Variants in CACNA2D1 observed in about 807,000 individuals in gnomAD.
CACNA2D1 encodes the protein voltage-dependent calcium channel subunit alpha-2/delta-1.
In CACNA2D1, 53 loss-of-function variants were observed where a neutral mutation model predicts 171.5. The observed-to-expected ratio is 0.31, with a 90% CI of 0.25 to 0.39. CACNA2D1 has a LOEUF of 0.39. CACNA2D1 is among the 10% of genes least tolerant of loss of function. CACNA2D1 has a pLI of 1.00. For synonymous variants in CACNA2D1, 442 were observed against 443.1 expected (o/e 1.00, Z 0.03); for missense variants, 903 against 1,299.8 (o/e 0.69, Z 4.69).
chr7:82,273,045 T>C (rs1808845727), intron 3 of CACNA2D1, among the ~76,000 whole-genome samples: 1 of 152,154 alleles, frequency 6.6e-6, no homozygotes, highest in Non-Finnish European at 1.5e-5. Context: ...ATAAACAACT[T>C]TGATATTATG....
chr7:82,060,178 A>AT (rs1491430009), intron 10 of CACNA2D1, among the ~76,000 whole-genome samples: 13 of 15,914 alleles, frequency 8.2e-4, no homozygotes, highest in South Asian at 2.5e-3. Context: ...ATATATATAT[A>AT]ATATATATAT....
chr7:81,965,739 T>A (rs1174557531), intron 31 of CACNA2D1, 74 bp from the exon 32 acceptor site: 2 of 851,628 alleles, frequency 2.3e-6, no homozygotes, highest in Non-Finnish European at 4.1e-6. Flanking sequence ...CCCCATTATA[T>A]ACATGATTAG....
chr7:82,438,788 T>C (rs1830287904), intron 1 of CACNA2D1, among the ~76,000 whole-genome samples: 1 of 152,306 alleles, frequency 6.6e-6, no homozygotes, highest in South Asian at 2.1e-4. Flanking sequence ...AGAACAAAGT[T>C]TGTTCCCCAT....
At chr7:82,434,192 G>C (rs1829933541) in intron 1 of CACNA2D1, among the ~76,000 whole-genome samples, 1 of 152,164 alleles carries the variant, frequency 6.6e-6, no homozygotes, top group Non-Finnish European at 1.5e-5. Context: ...GCAGTTGTTG[G>C]AACATCCTTG....
At chr7:82,223,404 C>A (rs1448890931) in intron 3 of CACNA2D1, among the ~76,000 whole-genome samples, 3 of 152,084 alleles carry the variant, frequency 2.0e-5, no homozygotes, top group Admixed American at 1.3e-4. Context: ...ATTAAACATA[C>A]TATATATTAT....
intron 3 of CACNA2D1, among the ~76,000 whole-genome samples, chr7:82,234,423 T>C (rs1179047172): frequency 6.6e-6 from 1 of 151,980 alleles, no homozygotes; most frequent in Non-Finnish European, 1.5e-5. Flanking sequence ...GGAAAGTAAT[T>C]ATGCAGATGT....
intron 3 of CACNA2D1, among the ~76,000 whole-genome samples, chr7:82,298,184 G>C (rs1051217119): frequency 2.6e-5 from 4 of 152,050 alleles, no homozygotes; most frequent in Non-Finnish European, 5.9e-5. Context: ...CTAAAAACTA[G>C]TATCATGTAA....
At chr7:82,248,384 C>T (rs79823797) in intron 3 of CACNA2D1, among the ~76,000 whole-genome samples, 1 of 152,060 alleles carries the variant, frequency 6.6e-6, no homozygotes, top group Non-Finnish European at 1.5e-5. Flanking sequence ...CTCTTTAACC[C>T]ACACAGAAAC....
At chr7:82,073,890 C>T (rs1017919094) in intron 7 of CACNA2D1, among the ~76,000 whole-genome samples, 1 of 152,132 alleles carries the variant, frequency 6.6e-6, no homozygotes, top group Non-Finnish European at 1.5e-5. Flanking sequence ...CGTCAGCCCT[C>T]ACTCTCGGCC....
intron 4 of CACNA2D1, among the ~76,000 whole-genome samples, chr7:82,138,614 T>G (rs1330060848): frequency 6.6e-6 from 1 of 151,932 alleles, no homozygotes; most frequent in African/African-American, 2.4e-5. Flanking sequence ...GCCCCGCTAA[T>G]TTTTTGTATT....
At chr7:82,208,871 A>G (rs994853574) in intron 3 of CACNA2D1, among the ~76,000 whole-genome samples, 1 of 152,194 alleles carries the variant, frequency 6.6e-6, no homozygotes, top group African/African-American at 2.4e-5. Context: ...GAGGTAATAC[A>G]TATCTTAACT....
intron 3 of CACNA2D1, among the ~76,000 whole-genome samples, chr7:82,192,731 T>C (rs1463254811): frequency 6.6e-6 from 1 of 150,596 alleles, no homozygotes; most frequent in South Asian, 2.1e-4. Context: ...CAAATGCTAT[T>C]AACCTGAGCA....
chr7:81,961,557 A>T lies in CACNA2D1; in HGVS notation c.2966+337T>A, dbSNP rs1197467250. ...AATAACTTTATATTAGAAATTTTTA[A>T]TATGGGTTATTTTAGGAAAAAAAGT... On this transcript the variant is annotated intron_variant, in intron 36 of 38. Coordinates refer to ENST00000356860, the MANE Select transcript of CACNA2D1 (RefSeq NM_000722.4). 2.0e-5 allele frequency among the ~76,000 whole-genome samples: 3 copies of T among 151,534 alleles called. No homozygotes were observed. The East Asian group carries it at 5.8e-4, about 29-fold the overall frequency.
intron 9 of CACNA2D1, among the ~76,000 whole-genome samples, chr7:82,063,182 T>C (rs1273736763): frequency 6.6e-6 from 1 of 152,192 alleles, no homozygotes; most frequent in Admixed American, 6.6e-5. Context: ...GGGATATAAA[T>C]TTGGCTTCTA....
intron 4 of CACNA2D1, among the ~76,000 whole-genome samples, chr7:82,149,378 A>G (rs1358618648): frequency 6.6e-6 from 1 of 152,150 alleles, no homozygotes; most frequent in African/African-American, 2.4e-5. Flanking sequence ...CCCAGGAGAC[A>G]CCAATAGGAG....
chr7:82,026,474 AT>A (rs1018203031), intron 12 of CACNA2D1, among the ~76,000 whole-genome samples: 1 of 151,694 alleles, frequency 6.6e-6, no homozygotes, highest in Non-Finnish European at 1.5e-5. Context: ...GAGCATTTAT[AT>A]TTTACTAAAT....
intron 10 of CACNA2D1, among the ~76,000 whole-genome samples, chr7:82,042,817 T>C (rs985420861): frequency 6.6e-6 from 1 of 152,162 alleles, no homozygotes; most frequent in African/African-American, 2.4e-5. Flanking sequence ...TTTCATGACC[T>C]TCCCTGACTA....
chr7:82,301,191 A>C (rs1370290633), intron 3 of CACNA2D1, among the ~76,000 whole-genome samples: 2 of 152,172 alleles, frequency 1.3e-5, no homozygotes, highest in Non-Finnish European at 2.9e-5. Flanking sequence ...CAAAGGAATG[A>C]CCTCAGCTCA....
intron 37 of CACNA2D1, 28 bp from the exon 38 acceptor site, chr7:81,959,385 TGTTA>T (rs1793823320): frequency 6.8e-7 from 1 of 1,481,056 alleles, no homozygotes; most frequent in South Asian, 1.1e-5. Flanking sequence ...AGGAATCTCA[TGTTA>T]GTTTTTTTCA....
Sources: gnomAD v4.1 joint callset for allele counts (sites outside exome capture counted in the v4.1 genomes callset) on GRCh38, gnomAD v4.1.1 for gene constraint, MANE v1.5 for transcripts, NCBI Gene and HGNC (gene_info 2026-07-23, HGNC 2026-07-21) for gene names.